Variants in CD2AP observed in about 807,000 individuals in gnomAD.
The protein encoded by CD2AP is CD2-associated protein.
CD2AP carries 46 observed loss-of-function variants against 85.1 expected under a neutral mutation model. The ratio of observed to expected loss-of-function variants is 0.54; its 90% CI spans 0.43 to 0.69. The LOEUF is 0.69. CD2AP is among the 30% of genes least tolerant of loss of function. The pLI is 0.00. For synonymous variants in CD2AP, 255 were observed against 252.9 expected, an observed-to-expected ratio of 1.01 and a Z score of -0.08; for missense variants, 769 against 729.5, an observed-to-expected ratio of 1.05 and a Z score of -0.62.
intron 5 of CD2AP, among the ~76,000 whole-genome samples, chr6:47,569,146 T>C (rs1768080843): frequency 6.6e-6 from 1 of 152,190 alleles, no homozygotes; most frequent in South Asian, 2.1e-4. Flanking sequence ...GATGACAACA[T>C]ATATTCAAGA....
chr6:47,623,818 T>C (rs964000559), intron 17 of CD2AP, among the ~76,000 whole-genome samples: 1 of 152,156 alleles, frequency 6.6e-6, no homozygotes, highest in Non-Finnish European at 1.5e-5. Flanking sequence ...TTTTTACTGT[T>C]GTTTATGTAT....
chr6:47,608,835 C>T (rs1214923283), intron 15 of CD2AP, among the ~76,000 whole-genome samples: 1 of 152,008 alleles, frequency 6.6e-6, no homozygotes, highest in African/African-American at 2.4e-5. Flanking sequence ...CATTCTTGCC[C>T]CTGTTTCACT....
At chr6:47,591,251 AG>A (rs1309643979) in intron 11 of CD2AP, among the ~76,000 whole-genome samples, 1 of 152,054 alleles carries the variant, frequency 6.6e-6, no homozygotes, top group Non-Finnish European at 1.5e-5. Context: ...CAGGTGGGGT[AG>A]TGATTGGGAA....
At chr6:47,503,464 T>C in intron 2 of CD2AP, 24 bp downstream of exon 2, 1 of 1,586,276 alleles carries the variant, frequency 6.3e-7, no homozygotes, top group East Asian at 2.2e-5. Flanking sequence ...GTTAAATTTC[T>C]AGCTCTTGCT....
At chr6:47,553,012 C>A (rs1392050495) in intron 4 of CD2AP, among the ~76,000 whole-genome samples, 1 of 151,514 alleles carries the variant, frequency 6.6e-6, no homozygotes, top group Non-Finnish European at 1.5e-5. Context: ...TTCTTTCAAG[C>A]CCTTTCTGTT....
intron 13 of CD2AP, among the ~76,000 whole-genome samples, chr6:47,605,964 C>T (rs1275560428): frequency 6.8e-6 from 1 of 147,776 alleles, no homozygotes; most frequent in Non-Finnish European, 1.5e-5. Flanking sequence ...ATAAATGTAT[C>T]AGGTAAAGAG....
rs1768075124 is a variant in CD2AP at position 47,568,945 on chromosome 6, A to G, written c.542-5119A>G. Among the ~76,000 whole-genome samples, 4 of 152,166 alleles carry G rather than the reference A, an allele frequency of 2.6e-5. No homozygotes were observed. The South Asian group carries it at 8.3e-4, about 32-fold the overall frequency. On this transcript the variant is annotated intron_variant, in intron 5 of 17. Coordinates refer to ENST00000359314, the MANE Select transcript of CD2AP (RefSeq NM_012120.3). The stretch of plus-strand genomic sequence containing the variant: ...AGAAAGAAACCTATGAGAGTGTGGT[A>G]GTCAGTCAAGGGAGGAGAGTTATTC...
chr6:47,511,045 CCTGGTGACAG>C (rs1004202452), intron 2 of CD2AP, among the ~76,000 whole-genome samples: 42 of 132,792 alleles, frequency 3.2e-4, no homozygotes, highest in African/African-American at 1.2e-3. Context: ...TGCACCCCAG[CCTGGTGACAG>C]AGTGAGACTC....
chr6:47,510,998 G>A (rs370400344), intron 2 of CD2AP, among the ~76,000 whole-genome samples: 6 of 148,542 alleles, frequency 4.0e-5, no homozygotes, highest in Admixed American at 6.8e-5. Flanking sequence ...GCTTGAACCC[G>A]GGAGGTAGAG....
In CD2AP at chr6:47,595,927, C is replaced by A. The variant is rs779987473; in HGVS notation, c.1175C>A (p.Pro392His). ...PAAPQVPPKK[P>H]TPPTKASNLL... ...GCTCCACAAGTCCCACCCAAGAAAC[C>A]TACTCCACCTACCAAAGCCAGTAAT... The change falls in exon 12 of 18, where the codon CCT becomes CAT. Residue 392 changes from proline (P) to histidine (H), a missense_variant. Pro to His is a moderately conservative substitution (Grantham distance 77). Transcript: ENST00000359314. The A allele has an allele frequency of 6.2e-7, 1 of 1,612,766 alleles. No homozygotes were observed. The highest frequency in any genetic ancestry group is 1.1e-5 in the South Asian group (1 of 91,042).
chr6:47,536,596 A>G (rs563765195), intron 3 of CD2AP, among the ~76,000 whole-genome samples: 1 of 152,340 alleles, frequency 6.6e-6, no homozygotes, highest in African/African-American at 2.4e-5. Flanking sequence ...TGGGATAGTA[A>G]TGAAGCCGTG....
intron 2 of CD2AP, among the ~76,000 whole-genome samples, chr6:47,522,032 A>G (rs1399553536): frequency 6.6e-6 from 1 of 151,786 alleles, no homozygotes; most frequent in African/African-American, 2.4e-5. Context: ...AAAAAGAAAG[A>G]AAGATAACCT....
At chr6:47,565,600 C>G (rs557094846) in intron 5 of CD2AP, among the ~76,000 whole-genome samples, 2 of 152,192 alleles carry the variant, frequency 1.3e-5, no homozygotes, top group Admixed American at 6.5e-5. Flanking sequence ...TCCATGTAAT[C>G]TTCCCCATCT....
intron 4 of CD2AP, among the ~76,000 whole-genome samples, chr6:47,550,861 A>G (rs1253076194): frequency 1.3e-5 from 2 of 152,244 alleles, no homozygotes; most frequent in Non-Finnish European, 2.9e-5. Flanking sequence ...CATAAAAAGG[A>G]ATGATTTCAT....
In CD2AP at chr6:47,587,423, A is replaced by T. The variant is rs1199179234; in HGVS notation, c.1108+5358A>T. Among the ~76,000 whole-genome samples, 7 of 139,760 alleles carry T rather than the reference A, an allele frequency of 5.0e-5. No homozygotes were observed. In the Admixed American group the frequency reaches 5.5e-4, roughly 11 times the overall value. The allele number at this position is 139,760 out of a possible 152,430, so 91.7% of individuals were successfully genotyped here. On this transcript the variant is annotated intron_variant, in intron 11 of 17. Coordinates refer to ENST00000359314, the MANE Select transcript of CD2AP (RefSeq NM_012120.3). ...ATTTTCTCAAATGTTTAGATAGGTG[A>T]TTAAACTCTCACTTTCTACTTTCTG...
chr6:47,532,972 C>T (rs374191557), intron 2 of CD2AP, among the ~76,000 whole-genome samples: 23 of 152,130 alleles, frequency 1.5e-4, no homozygotes, highest in African/African-American at 5.3e-4. Flanking sequence ...TGACTTAGAT[C>T]AGGGGCTATC....
intron 17 of CD2AP, among the ~76,000 whole-genome samples, chr6:47,618,040 C>T (rs893123238): frequency 1.5e-4 from 23 of 152,120 alleles, no homozygotes; most frequent in Admixed American, 3.3e-4. Flanking sequence ...ATTTAGTGGC[C>T]GGGCACGGTG....
At chr6:47,563,269 A>C (rs553860486) in intron 5 of CD2AP, among the ~76,000 whole-genome samples, 21 of 152,342 alleles carry the variant, frequency 1.4e-4, no homozygotes, top group African/African-American at 5.1e-4. Flanking sequence ...CTAATAGTAT[A>C]AAATGACTTG....
At chr6:47,552,550 T>G (rs1767555023) in intron 4 of CD2AP, among the ~76,000 whole-genome samples, 1 of 152,138 alleles carries the variant, frequency 6.6e-6, no homozygotes, top group Non-Finnish European at 1.5e-5. Context: ...TTAAATTCAC[T>G]TGTTGATTGA....
Sources: allele counts gnomAD v4.1 joint callset (sites outside exome capture counted in the v4.1 genomes callset), GRCh38; gene constraint gnomAD v4.1.1; transcripts MANE v1.5; gene names NCBI Gene and HGNC (gene_info 2026-07-23, HGNC 2026-07-21).